Variants in LRRC18 observed in about 807,000 individuals in gnomAD.
LRRC18 encodes leucine-rich repeat-containing protein 18.
Under a neutral mutation model 11.2 loss-of-function variants are expected in LRRC18, and 12 were observed. The observed-to-expected ratio is 1.07, with a 90% CI of 0.69 to 1.74. LRRC18 has a LOEUF of 1.74. LRRC18 is among the 40% of genes most tolerant of loss of function. The pLI is 0.00. For missense variants in LRRC18, 374 were observed against 330.5 expected (o/e 1.13, Z -1.02); for synonymous variants, 155 against 130.6 (o/e 1.19, Z -1.27).
In LRRC18 at chr10:48,913,452, G is replaced by A. The variant is rs896531682; in HGVS notation, c.704C>T (p.Thr235Ile). 23 of 1,613,458 alleles carry A rather than the reference G, an allele frequency of 1.4e-5. No homozygotes were observed. Among genetic ancestry groups the A allele is most frequent in the Non-Finnish European group, 1.6e-5 (19 of 1,180,004 alleles). Reference sequence around the variant, plus strand: ...GGGTGAGATCAGATTGGGAAAGATGGTCTTTCTCGGTGTCGTCGTGGCCAT... The same window carrying A: ...GGGTGAGATCAGATTGGGAAAGATGATCTTTCTCGGTGTCGTCGTGGCCAT... Residue 235 changes from threonine (T) to isoleucine (I), a missense_variant, in exon 1 of 2, where the codon ACC becomes ATC. Physicochemically the swap from Thr to Ile is moderately conservative, Grantham distance 89. Coordinates refer to ENST00000374160, the Ensembl canonical transcript of LRRC18.
chr10:48,913,584 G>A (rs367558167), exon 1 of LRRC18: 6 of 1,614,088 alleles, frequency 3.7e-6, no homozygotes, highest in Middle Eastern at 3.3e-4. Context: ...CCTCCTGATG[G>A]AGTCTATGAA....
the LRRC18 span, among the ~76,000 whole-genome samples, chr10:48,922,570 C>T: frequency 6.6e-6 from 1 of 152,096 alleles, no homozygotes; most frequent in Non-Finnish European, 1.5e-5. Flanking sequence ...CTTACGGTGC[C>T]TAACTCGTAA....
At chr10:48,937,192 C>T in the LRRC18 span, among the ~76,000 whole-genome samples, 1 of 152,142 alleles carries the variant, frequency 6.6e-6, no homozygotes, top group Non-Finnish European at 1.5e-5. Flanking sequence ...CTGTGCCAGC[C>T]AACTTTCAGA....
At chr10:48,919,434 A>C in the LRRC18 span, among the ~76,000 whole-genome samples, 5 of 152,352 alleles carry the variant, frequency 3.3e-5, no homozygotes, top group African/African-American at 1.2e-4. Flanking sequence ...CAGTAGTCTT[A>C]TTGTTAAATT....
At chr10:48,929,553 T>C in the LRRC18 span, among the ~76,000 whole-genome samples, 1 of 152,184 alleles carries the variant, frequency 6.6e-6, no homozygotes, top group Non-Finnish European at 1.5e-5. Context: ...TCTCTGCCTA[T>C]ACTTATTGTG....
the LRRC18 span, among the ~76,000 whole-genome samples, chr10:48,928,776 A>G: frequency 6.6e-6 from 1 of 152,188 alleles, no homozygotes; most frequent in African/African-American, 2.4e-5. Context: ...CTGACCGCCT[A>G]TCACCTGGGA....
chr10:48,910,307 G>C, intron 1 of LRRC18, 49 bp from the exon 4 acceptor site: 2 of 1,563,350 alleles, frequency 1.3e-6, no homozygotes, highest in Non-Finnish European at 1.8e-6. Flanking sequence ...AGGCCACAGA[G>C]GCAAACACAG....
chr10:48,938,819 G>A, the LRRC18 span, among the ~76,000 whole-genome samples: 9 of 152,338 alleles, frequency 5.9e-5, no homozygotes, highest in South Asian at 1.9e-3. Context: ...TCCTGATTCA[G>A]AGATAATCTT....
At chr10:48,932,182 G>T in the LRRC18 span, among the ~76,000 whole-genome samples, 3 of 152,288 alleles carry the variant, frequency 2.0e-5, no homozygotes, top group South Asian at 6.2e-4. Context: ...AGTGTTCAGT[G>T]GGCACTCAAC....
At chr10:48,938,304 T>A in the LRRC18 span, among the ~76,000 whole-genome samples, 2 of 152,214 alleles carry the variant, frequency 1.3e-5, no homozygotes, top group South Asian at 4.1e-4. Flanking sequence ...GTCTGCCATA[T>A]TAGGGCTACA....
the LRRC18 span, among the ~76,000 whole-genome samples, chr10:48,922,774 A>C: frequency 3.3e-5 from 5 of 152,188 alleles, no homozygotes; most frequent in Non-Finnish European, 5.9e-5. Flanking sequence ...TTGCCTAATA[A>C]AAAAATGTCT....
the LRRC18 span, among the ~76,000 whole-genome samples, chr10:48,924,506 G>A: frequency 6.6e-6 from 1 of 152,214 alleles, no homozygotes; most frequent in South Asian, 2.1e-4. Flanking sequence ...ATAGACAGAC[G>A]AATGGATGTA....
the LRRC18 span, among the ~76,000 whole-genome samples, chr10:48,923,202 T>C: frequency 6.6e-6 from 1 of 152,148 alleles, no homozygotes; most frequent in Non-Finnish European, 1.5e-5. Flanking sequence ...TCCAAATAGG[T>C]AGCATCTGGG....
the LRRC18 span, among the ~76,000 whole-genome samples, chr10:48,931,336 C>T: frequency 6.6e-6 from 1 of 152,264 alleles, no homozygotes; most frequent in African/African-American, 2.4e-5. Context: ...TTATGCTGTC[C>T]CAGAGTGGAA....
the LRRC18 span, among the ~76,000 whole-genome samples, chr10:48,920,159 C>T: frequency 6.6e-6 from 1 of 152,010 alleles, no homozygotes; most frequent in African/African-American, 2.4e-5. Flanking sequence ...GCAGAAAAGA[C>T]ATTTGACAAT....
chr10:48,921,637 G>T, the LRRC18 span, among the ~76,000 whole-genome samples: 3 of 152,034 alleles, frequency 2.0e-5, no homozygotes, highest in African/African-American at 7.2e-5. Flanking sequence ...GAAAAGACAA[G>T]CTACAGACTG....
At chr10:48,911,838 A>T (rs1838032676) in intron 1 of LRRC18, among the ~76,000 whole-genome samples, 1 of 152,236 alleles carries the variant, frequency 6.6e-6, no homozygotes, top group African/African-American at 2.4e-5. Context: ...AAAATTTTGA[A>T]TCTAGATCTC....
chr10:48,918,082 A>G (rs896581343), upstream of LRRC18, among the ~76,000 whole-genome samples: 6 of 152,204 alleles, frequency 3.9e-5, no homozygotes, highest in Non-Finnish European at 7.3e-5. Flanking sequence ...GGCAATATAT[A>G]AAAAGATATA....
At chr10:48,917,587 A>G (rs1838668555), upstream of LRRC18, among the ~76,000 whole-genome samples, 2 of 152,232 alleles carry the variant, frequency 1.3e-5, 1 homozygote. Flanking sequence ...GGTGCTGGAA[A>G]CATCATTTTT....
Sources: allele counts gnomAD v4.1 joint callset (sites outside exome capture counted in the v4.1 genomes callset), GRCh38; gene constraint gnomAD v4.1.1; transcripts MANE v1.5; gene names NCBI Gene and HGNC (gene_info 2026-07-23, HGNC 2026-07-21).